The following XAB2 variants were observed in gnomAD, a reference collection of about 807,000 sequenced individuals.
The protein encoded by XAB2 is pre-mRNA-splicing factor SYF1.
Under a neutral mutation model 113.4 loss-of-function variants are expected in XAB2, and 57 were observed. That is an observed-to-expected ratio of 0.50 (90% CI 0.41 to 0.63). The LOEUF (loss-of-function observed/expected upper bound fraction) is 0.63. XAB2 is among the 20% of genes least tolerant of loss of function. The probability of loss-of-function intolerance (pLI) is 0.00; values close to 1 mark genes in which losing one functional copy is unlikely to be tolerated. For missense variants in XAB2, 1,037 were observed against 1,233.3 expected, an observed-to-expected ratio of 0.84 and a Z score of 2.38; for synonymous variants, 497 against 498.8, an observed-to-expected ratio of 1.00 and a Z score of 0.05.
At chr19:7,621,098 C>CCCCCCCCCCCCCCCCCAGCCCCCAG in intron 13 of XAB2, 37 bp downstream of exon 13, 1 of 1,495,078 alleles carries the variant, frequency 6.7e-7, no homozygotes, top group Non-Finnish European at 9.0e-7. Context: ...AAACCCAGCC[C>CCCCCCCCCCCCCCCCCAGCCCCCAG]GCCCGCCACC....
Position 7,624,280 on chromosome 19 carries a change from C to A in XAB2, c.967+21G>T, listed in dbSNP as rs756740359. On this transcript the variant is annotated intron_variant, in intron 7 of 18. Transcript: ENST00000358368. The surrounding 1 kb of genome is among the most constrained non-coding windows in gnomAD (Gnocchi z 4.2). ...GTCCACTCAGCTCTCTCCCCACCAG[C>A]CGGGGCCCCCAGAGGCTCACCCTCC... 1.2e-6 allele frequency: 2 copies of A among 1,611,484 alleles called. No homozygotes were observed. Among genetic ancestry groups the A allele is most frequent in the Non-Finnish European group, 1.7e-6 (2 of 1,179,982 alleles).
rs573667176 is a variant in XAB2, at chr19:7,627,154, T to G, written c.522+89A>C. 2.5e-3 allele frequency: 3,582 copies of G among 1,451,492 alleles called. 12 individuals carry two copies. The highest frequency in any genetic ancestry group is 2.9e-3 in the Non-Finnish European group (3,068 of 1,057,016). 89.9% of individuals were successfully genotyped at this position (1,451,492 alleles called of 1,614,324 possible). On this transcript the variant is annotated intron_variant, in intron 4 of 18. Transcript: ENST00000358368. The surrounding 1 kb of genome is among the most constrained non-coding windows in gnomAD (Gnocchi z 4.5). ...CAGGAGCCTCTTCCCACATCCCGTC[T>G]GCTGGGTGACATCCTACGCGGAGCT... is the stretch of plus-strand genomic sequence containing the variant.
At chr19:7,621,359 A>T in intron 12 of XAB2, 62 bp from the exon 13 acceptor site, 3 of 1,584,582 alleles carry the variant, frequency 1.9e-6, no homozygotes, top group Non-Finnish European at 2.6e-6. Flanking sequence ...GGCACCCGGG[A>T]TGTCCTTGGG....
rs1040744639 is a variant in XAB2, at chr19:7,628,826, A to T, written c.52-528T>A. Among the ~76,000 whole-genome samples the T allele has an allele frequency of 2.6e-5, 4 of 152,154 alleles. No individual in the cohort carries two copies. Among genetic ancestry groups the T allele is most frequent in the Non-Finnish European group, 5.9e-5 (4 of 68,008 alleles). On this transcript the variant is annotated intron_variant, in intron 1 of 18. Coordinates refer to ENST00000358368, the MANE Select transcript of XAB2 (RefSeq NM_020196.3). The surrounding 1 kb of genome is among the most constrained non-coding windows in gnomAD (Gnocchi z 4.6). ...CCAAGCCACTAGCCCCGCCCCCAGG[A>T]TCCCACTAGCCAGCGTCTAGCTCAA... is the stretch of plus-strand genomic sequence containing the variant.
In XAB2 at chr19:7,625,898, G is replaced by A. The variant is rs1599373237; in HGVS notation, c.804C>T (p.Arg268=). Residue 268 remains arginine, a synonymous_variant, in exon 6 of 19, where the codon CGC becomes CGT. Transcript: ENST00000358368. The surrounding 1 kb of genome is among the most constrained non-coding windows in gnomAD (Gnocchi z 5.2). ...CATGCACCTTCTCGAAATGGCCGCT[G>A]CGGATGTAGTAGTCGGCGAGAGAAC... is the stretch of plus-strand genomic sequence containing the variant. The part of the protein sequence containing the change: ...LWCSLADYYI[R]SGHFEKARDV... 1.7e-5 allele frequency: 28 copies of A among 1,609,652 alleles called. No homozygotes were observed. Among genetic ancestry groups the A allele is most frequent in the Non-Finnish European group, 2.3e-5 (27 of 1,176,928 alleles).
At position 7,627,412 on chromosome 19, in the gene XAB2, T is replaced by C. The variant is rs779322789; in HGVS notation, c.353A>G (p.Gln118Arg). ...GACGCGCCCCTGGTCCATGAGGAACTGGCAGTAATCTAGCCACAGACGAGG... is the reference window on the plus strand; with the variant it reads ...GACGCGCCCCTGGTCCATGAGGAACCGGCAGTAATCTAGCCACAGACGAGG... Reference protein sequence around the residue: ...KMPRLWLDYCQFLMDQGRVTH... With the variant: ...KMPRLWLDYCRFLMDQGRVTH... Residue 118 changes from glutamine (Q) to arginine (R), a missense_variant, in exon 4 of 19, where the codon CAG becomes CGG. Transcript: ENST00000358368. This position sits in a 1 kb window ranked among gnomAD's most constrained non-coding sequence, Gnocchi z 4.5. 1.2e-6 allele frequency: 2 copies of C among 1,605,852 alleles called. No homozygotes were observed. Among genetic ancestry groups the C allele is most frequent in the African/African-American group, 1.3e-5 (1 of 74,812 alleles).
At chr19:7,626,294 G>A in intron 4 of XAB2, 24 bp from the exon 5 acceptor site, 1 of 1,598,304 alleles carries the variant, frequency 6.3e-7, no homozygotes, top group Non-Finnish European at 8.5e-7. Context: ...CACCCCTCAG[G>A]CAGTCAGTGG....
At position 7,627,802 on chromosome 19, in the gene XAB2, G is replaced by A; in HGVS notation, c.250C>T (p.His84Tyr). The change falls in exon 3 of 19, where the codon CAT becomes TAT. Residue 84 changes from histidine (H) to tyrosine (Y), a missense_variant. Physicochemically the swap from His to Tyr is moderately conservative, Grantham distance 83. Coordinates refer to ENST00000358368, the MANE Select transcript of XAB2 (RefSeq NM_020196.3). The surrounding 1 kb of genome is among the most constrained non-coding windows in gnomAD (Gnocchi z 4.5). Reference protein sequence around the residue: ...YLKARRAQVKHRCVTDPAYED... With the variant: ...YLKARRAQVKYRCVTDPAYED... ...TAGGCAGGGTCGGTCACACAGCGAT[G>A]CTTCACCTGTGCCCGACGCGCCTTC... 1.9e-6 allele frequency: 3 copies of A among 1,614,048 alleles called. No individual in the cohort carries two copies. The highest frequency in any genetic ancestry group is 2.5e-6 in the Non-Finnish European group (3 of 1,180,026).
rs901832103 is a variant in XAB2, at chr19:7,624,612, C to T, written c.823-167G>A. On this transcript the variant is annotated intron_variant, in intron 6 of 18. Coordinates refer to ENST00000358368, the MANE Select transcript of XAB2 (RefSeq NM_020196.3). This position sits in a 1 kb window ranked among gnomAD's most constrained non-coding sequence, Gnocchi z 4.2. ...GGACAGAGCCTCCGTGGAGCCTTCT[C>T]ACCCCCGCCCTGCCCTGCACTGCCA... Among the ~76,000 whole-genome samples the T allele has an allele frequency of 3.9e-5, 6 of 152,144 alleles. No homozygotes were observed. The highest frequency in any genetic ancestry group is 8.8e-5 in the Non-Finnish European group (6 of 68,012).
rs2031108471 is a variant in XAB2, at chr19:7,624,954, G to A, written c.823-509C>T. ...CAGCCCTGACGGGTCTTGCCCTGCT[G>A]CCTCCGACAGCCTTGGCCTACACGT... is the stretch of plus-strand genomic sequence containing the variant. On this transcript the variant is annotated intron_variant, in intron 6 of 18. Coordinates refer to ENST00000358368, the MANE Select transcript of XAB2 (RefSeq NM_020196.3). The surrounding 1 kb of genome is among the most constrained non-coding windows in gnomAD (Gnocchi z 4.2). 2.0e-5 allele frequency among the ~76,000 whole-genome samples: 3 copies of A among 152,168 alleles called. No individual in the cohort carries two copies. Among genetic ancestry groups the A allele is most frequent in the Admixed American group, 1.3e-4 (2 of 15,288 alleles).
At position 7,620,266 on chromosome 19, in the gene XAB2, A is replaced by C; in HGVS notation, c.2266+9T>G. ...TGGATCAGGAACTCAGCCAGCTGGGACGGCTCACCGGTGCCCGTGGCACTG... is the reference window on the plus strand; with the variant it reads ...TGGATCAGGAACTCAGCCAGCTGGGCCGGCTCACCGGTGCCCGTGGCACTG... On this transcript the variant is annotated intron_variant, in intron 16 of 18. Transcript: ENST00000358368. 1 of 1,612,722 alleles carries C rather than the reference A, an allele frequency of 6.2e-7. No individual in the cohort carries two copies.
intron 4 of XAB2, 73 bp from the exon 5 acceptor site, chr19:7,626,343 C>T (rs1248699187): frequency 1.9e-6 from 3 of 1,563,984 alleles, no homozygotes; most frequent in Non-Finnish European, 8.7e-7. Flanking sequence ...TCAGTGGCTT[C>T]GGGGCGTCCC....
At position 7,626,166 on chromosome 19, in the gene XAB2, G is replaced by A. The variant is rs143843852; in HGVS notation, c.627C>T (p.Phe209=). 3.8e-5 allele frequency: 61 copies of A among 1,613,626 alleles called. No individual in the cohort carries two copies. The highest frequency in any genetic ancestry group is 1.7e-4 in the African/African-American group (13 of 74,946). Residue 209 remains phenylalanine, a synonymous_variant, in exon 5 of 19, where the codon TTC becomes TTT. Coordinates refer to ENST00000358368, the MANE Select transcript of XAB2 (RefSeq NM_020196.3). ...RLATVVNDER[F]VSKAGKSNYQ... is the part of the protein sequence containing the mutation. ...AGTTGGACTTGCCGGCCTTAGACAC[G>A]AAACGCTCGTCGTTCACCACGGTGG...
At chr19:7,621,095 G>GGCCCCCCCCCCCCCCCCCCCCCCC in intron 13 of XAB2, 40 bp downstream of exon 13, 5 of 1,486,308 alleles carry the variant, frequency 3.4e-6, no homozygotes, top group South Asian at 2.5e-5. Flanking sequence ...CAGAAACCCA[G>GGCCCCCCCCCCCCCCCCCCCCCCC]CCCGCCCGCC....
In XAB2 at chr19:7,629,236, G is replaced by A. The variant is rs559708132; in HGVS notation, c.51+241C>T. ...GCCCCCATTTCCGCCCCTGGTTCGG[G>A]AGGCTAGACGCTTCCCTTCGACAGT... On this transcript the variant is annotated intron_variant, in intron 1 of 18. Coordinates refer to ENST00000358368, the MANE Select transcript of XAB2 (RefSeq NM_020196.3). 3.9e-5 allele frequency among the ~76,000 whole-genome samples: 6 copies of A among 152,324 alleles called. No individual in the cohort carries two copies. In the South Asian group the frequency reaches 6.2e-4, roughly 16 times the overall value.
chr19:7,627,674 A>AC lies in XAB2; in HGVS notation c.324+53dup. On this transcript the variant is annotated intron_variant, in intron 3 of 18. Transcript: ENST00000358368. This position sits in a 1 kb window ranked among gnomAD's most constrained non-coding sequence, Gnocchi z 4.5. ...CCCAGCCCCTGTCCCCGCCCCACCC[A>AC]CCACCATGGACTGAGCTCCACTTCC... 1 of 1,147,408 alleles carries AC rather than the reference A, an allele frequency of 8.7e-7. No homozygotes were observed. Among genetic ancestry groups the AC allele is most frequent in the Non-Finnish European group, 1.2e-6 (1 of 800,214 alleles). 71.1% of individuals were successfully genotyped at this position (1,147,408 alleles called of 1,614,324 possible).
At chr19:7,621,466 A>C in intron 12 of XAB2, 169 bp from the exon 13 acceptor site, 1 of 691,666 alleles carries the variant, frequency 1.4e-6, no homozygotes, top group Admixed American at 2.7e-5. Context: ...TGTCCTCTGC[A>C]CTGTCTCCCT....
Position 7,624,488 on chromosome 19 carries a change from AG to A in XAB2, c.823-44del. The A allele has an allele frequency of 3.1e-6, 5 of 1,612,424 alleles. No individual in the cohort carries two copies. The highest frequency in any genetic ancestry group is 3.4e-6 in the Non-Finnish European group (4 of 1,179,840). On this transcript the variant is annotated intron_variant, in intron 6 of 18. Transcript: ENST00000358368. This position sits in a 1 kb window ranked among gnomAD's most constrained non-coding sequence, Gnocchi z 4.2. Reference sequence around the variant, plus strand: ...AGGGGAGGTGAGAGGAAAGTGGCGCAGGGGACAGGCAGCAGCACTCTTAGCA... The same window carrying A: ...AGGGGAGGTGAGAGGAAAGTGGCGCAGGGACAGGCAGCAGCACTCTTAGCA...
chr19:7,622,399 T>C lies in XAB2; in HGVS notation c.1549A>G (p.Thr517Ala), dbSNP rs1315567841. ...GCATAGTTGATGACGATCTGGGGTG[T>C]TGCGATACGCAGGTCCAGGATGCGG... ...YDRILDLRIA[T>A]PQIVINYAMF... is the part of the protein sequence containing the mutation. Residue 517 changes from threonine (T) to alanine (A), a missense_variant, in exon 12 of 19, where the codon ACA (threonine) becomes GCA (alanine). Physicochemically the swap from Thr to Ala is moderately conservative, Grantham distance 58. Transcript: ENST00000358368. 9.3e-6 allele frequency: 15 copies of C among 1,614,070 alleles called. No homozygotes were observed. The highest frequency in any genetic ancestry group is 1.7e-5 in the Admixed American group (1 of 59,996).
Sources: gnomAD v4.1 joint callset for allele counts (sites outside exome capture counted in the v4.1 genomes callset) on GRCh38, gnomAD v4.1.1 for gene constraint, Gnocchi (gnomAD v3.1) non-coding constraint, MANE v1.5 for transcripts, NCBI Gene and HGNC (gene_info 2026-07-23, HGNC 2026-07-21) for gene names.